NOD1: variants seen among roughly 807,000 people sequenced by gnomAD.
The protein encoded by NOD1 is nucleotide-binding oligomerization domain-containing protein 1.
Under a neutral mutation model 81.2 loss-of-function variants are expected in NOD1, and 70 were observed. The ratio of observed to expected loss-of-function variants is 0.86; its 90% confidence interval spans 0.71 to 1.05. The LOEUF (loss-of-function observed/expected upper bound fraction) is 1.05. Ranked by LOEUF, NOD1 falls within the 50% of genes least tolerant of loss-of-function variation. NOD1 has a pLI of 0.00. For synonymous variants in NOD1, 508 were observed against 526.9 expected (o/e 0.96, Z 0.49); for missense variants, 1,233 against 1,228.0 (o/e 1.00, Z -0.06).
Position 30,452,635 on chromosome 7 carries a change from G to T in NOD1, c.782C>A (p.Pro261Gln), listed in dbSNP as rs1210130197. The T allele has an allele frequency of 6.2e-7, 1 of 1,613,650 alleles. No homozygotes were observed. The highest frequency in any genetic ancestry group is 8.5e-7 in the Non-Finnish European group (1 of 1,180,038). ...QDLLFKHYCY[P>Q]ERDPEEVFAF... Reference sequence around the variant, plus strand: ...AAACACCTCCTCGGGGTCCCGCTCTGGGTAGCAGTAGTGCTTGAAGAGCAG... The same window carrying T: ...AAACACCTCCTCGGGGTCCCGCTCTTGGTAGCAGTAGTGCTTGAAGAGCAG... The change falls in exon 6 of 14, where the codon CCA becomes CAA. Residue 261 changes from proline to glutamine, a missense_variant. Pro to Gln is a moderately conservative substitution (Grantham distance 76). Coordinates refer to ENST00000222823, the MANE Select transcript of NOD1 (RefSeq NM_006092.4).
intron 1 of NOD1, among the ~76,000 whole-genome samples, chr7:30,475,675 G>A (rs1175176921): frequency 6.6e-6 from 1 of 152,224 alleles, no homozygotes; most frequent in Non-Finnish European, 1.5e-5. Flanking sequence ...AGGGCCGGTG[G>A]CATGCCTGCC....
intron 13 of NOD1, 30 bp downstream of exon 13, chr7:30,429,344 T>G: frequency 6.3e-7 from 1 of 1,578,448 alleles, no homozygotes; most frequent in East Asian, 2.2e-5. Flanking sequence ...GTCACTGGTG[T>G]TATTACTGTG....
Position 30,446,978 on chromosome 7 carries a change from G to T in NOD1, c.2358C>A (p.Leu786=), listed in dbSNP as rs779558603. The T allele has an allele frequency of 3.1e-6, 5 of 1,613,916 alleles. No individual in the cohort carries two copies. The highest frequency in any genetic ancestry group is 3.4e-6 in the Non-Finnish European group (4 of 1,179,790). Residue 786 remains leucine, a synonymous_variant, in exon 8 of 14, where the codon CTC becomes CTA. Transcript: ENST00000222823. ...CCTACCCCACTTACTTAAGATGCGTGAGGCCTTTGCATTCATCCAGGATTT... is the reference window on the plus strand; with the variant it reads ...CCTACCCCACTTACTTAAGATGCGTTAGGCCTTTGCATTCATCCAGGATTT... ...VTKILDECKG[L]THLKLGKNKI...
chr7:30,437,747 C>A, intron 9 of NOD1, 91 bp from the exon 10 acceptor site: 1 of 826,974 alleles, frequency 1.2e-6, no homozygotes, highest in Non-Finnish European at 1.8e-6. Flanking sequence ...AGCTCAGTTC[C>A]TACTCAACAG....
Position 30,451,094 on chromosome 7 carries a change from TG to T in NOD1, c.2201+121del. On this transcript the variant is annotated intron_variant, in intron 6 of 13. Coordinates refer to ENST00000222823, the MANE Select transcript of NOD1 (RefSeq NM_006092.4). The surrounding 1 kb of genome is among the most constrained non-coding windows in gnomAD (Gnocchi z 4.2). The stretch of plus-strand genomic sequence containing the variant: ...CTGCCCTGCTAAGAAAGAAAAGGTC[TG>T]GACATTCCAAGGGCCATGGTCATGA... The T allele has an allele frequency of 8.5e-7, 1 of 1,179,856 alleles. No homozygotes were observed. Among genetic ancestry groups the T allele is most frequent in the Non-Finnish European group, 1.2e-6 (1 of 860,810 alleles). 73.1% of individuals were successfully genotyped at this position (1,179,856 alleles called of 1,614,324 possible). A position where few individuals can be genotyped will look rare whatever the true frequency, so the allele number is the denominator to read the frequency against.
intron 1 of NOD1, among the ~76,000 whole-genome samples, chr7:30,474,693 C>T (rs1313762106): frequency 6.6e-6 from 1 of 152,176 alleles, no homozygotes; most frequent in Non-Finnish European, 1.5e-5. Flanking sequence ...TGCTGTGCGG[C>T]CCACCTAAGA....
chr7:30,460,666 A>G (rs1035870093), intron 1 of NOD1: 2 of 985,286 alleles, frequency 2.0e-6, no homozygotes, highest in Non-Finnish European at 2.4e-6. Context: ...CCACCACCAA[A>G]AGCCATCTCC....
At chr7:30,460,794 G>C (rs1466992331) in intron 1 of NOD1, 2 of 687,012 alleles carry the variant, frequency 2.9e-6, no homozygotes, top group Non-Finnish European at 3.6e-6. Context: ...TGCCCTCAGA[G>C]AGGGTTAGTT....
intron 9 of NOD1, among the ~76,000 whole-genome samples, chr7:30,439,043 C>G (rs1328171080): frequency 2.0e-5 from 3 of 152,114 alleles, no homozygotes; most frequent in Admixed American, 2.0e-4. Context: ...GAGACAGGAC[C>G]TCACACTCAT....
Position 30,478,002 on chromosome 7 carries a change from C to T in NOD1, c.-352+604G>A, listed in dbSNP as rs1258866163. On this transcript the variant is annotated intron_variant, in intron 1 of 13. Transcript: ENST00000222823. The surrounding 1 kb of genome is among the most constrained non-coding windows in gnomAD (Gnocchi z 4.1). ...CACAATGTGCCAAAACAACTGCACA[C>T]ATTGGAGGCGTTTTTGAATGTGATA... 6.6e-6 allele frequency among the ~76,000 whole-genome samples: 1 copy of T among 152,218 alleles called. No homozygotes were observed. The highest frequency in any genetic ancestry group is 1.5e-5 in the Non-Finnish European group (1 of 68,040).
rs750153136 is a variant in NOD1 at position 30,451,508 on chromosome 7, G to A, written c.1909C>T (p.Arg637Cys). 19 of 1,612,946 alleles carry A rather than the reference G, an allele frequency of 1.2e-5. No individual in the cohort carries two copies. The highest frequency in any genetic ancestry group is 1.4e-5 in the Non-Finnish European group (17 of 1,179,834). The part of the protein sequence containing the change: ...SLRGYLKSLP[R>C]VQVESFNQVQ... ...TGGTTGAAGCTTTCGACCTGAACGC[G>A]GGGCAGGCTCTTCAGGTAGCCCCGC... Residue 637 changes from arginine (R) to cysteine (C), a missense_variant, in exon 6 of 14, where the codon CGC (arginine) becomes TGC (cysteine). Coordinates refer to ENST00000222823, the MANE Select transcript of NOD1 (RefSeq NM_006092.4). The surrounding 1 kb of genome is among the most constrained non-coding windows in gnomAD (Gnocchi z 4.2).
At chr7:30,425,787 CA>C in intron 13 of NOD1, 77 bp from the exon 14 acceptor site, 2 of 946,784 alleles carry the variant, frequency 2.1e-6, no homozygotes, top group Non-Finnish European at 3.5e-6. Context: ...AAGGTGTGTT[CA>C]TAGCACACAC....
chr7:30,456,337 C>T (rs966495481), intron 4 of NOD1, among the ~76,000 whole-genome samples: 2 of 152,214 alleles, frequency 1.3e-5, no homozygotes, highest in African/African-American at 4.8e-5. Context: ...GACCCTGAGT[C>T]GGTTCCCCTC....
chr7:30,455,882 G>A (rs145549183), intron 4 of NOD1, among the ~76,000 whole-genome samples: 12 of 152,242 alleles, frequency 7.9e-5, no homozygotes, highest in African/African-American at 2.9e-4. Context: ...GATTACAGGC[G>A]TGAGCCACGG....
intron 9 of NOD1, among the ~76,000 whole-genome samples, chr7:30,439,344 C>A (rs1245891161): frequency 7.1e-6 from 1 of 141,536 alleles, no homozygotes; most frequent in Non-Finnish European, 1.5e-5. Flanking sequence ...ATCTGAGGTA[C>A]CGGGTTCATC....
In NOD1 at chr7:30,429,360, C is replaced by T. The variant is rs772307048; in HGVS notation, c.2789+14G>A. The T allele has an allele frequency of 2.1e-5, 34 of 1,609,172 alleles. No individual in the cohort carries two copies. Among genetic ancestry groups the T allele is most frequent in the Admixed American group, 5.0e-5 (3 of 60,028 alleles). Reference sequence around the variant, plus strand: ...TCACTGGTGTTATTACTGTGACAAACGCTGGGATCTTACCAAATCTCTGTT... The same window carrying T: ...TCACTGGTGTTATTACTGTGACAAATGCTGGGATCTTACCAAATCTCTGTT... On this transcript the variant is annotated intron_variant, in intron 13 of 13. Transcript: ENST00000222823.
In NOD1 at chr7:30,425,619, T is replaced by C. The variant is rs370230825; in HGVS notation, c.*19A>G. 56 of 1,602,590 alleles carry C rather than the reference T, an allele frequency of 3.5e-5. No homozygotes were observed. Among genetic ancestry groups the C allele is most frequent in the African/African-American group, 9.4e-5 (7 of 74,818 alleles). On this transcript the variant is annotated 3_prime_UTR_variant, in exon 14 of 14. Coordinates refer to ENST00000222823, the MANE Select transcript of NOD1 (RefSeq NM_006092.4). ...CTGAGGCTCCAGGGCAAAAACCCCA[T>C]GAACAGGAAAGCATCCTCTCAGAAA...
intron 9 of NOD1, among the ~76,000 whole-genome samples, chr7:30,445,278 T>TAAAAAAAAAAAAAAAAAAAA (rs55875433): frequency 2.9e-5 from 2 of 69,172 alleles, no homozygotes; most frequent in African/African-American, 7.0e-5. Context: ...AAAAAGAATC[T>TAAAAAAAAAAAAAAAAAAAA]AAAAAAAAAA....
At chr7:30,470,275 G>C (rs1322070778) in intron 1 of NOD1, among the ~76,000 whole-genome samples, 1 of 152,246 alleles carries the variant, frequency 6.6e-6, no homozygotes, top group Non-Finnish European at 1.5e-5. Context: ...ATTTAGAACA[G>C]CACTGGTCAC....
Sources: gnomAD v4.1 joint callset for allele counts (sites outside exome capture counted in the v4.1 genomes callset) on GRCh38, gnomAD v4.1.1 for gene constraint, Gnocchi (gnomAD v3.1) non-coding constraint, MANE v1.5 for transcripts, NCBI Gene and HGNC (gene_info 2026-07-23, HGNC 2026-07-21) for gene names.